CLEC2A: variants seen among roughly 807,000 people sequenced by gnomAD.
CLEC2A encodes the protein keratinocyte-associated C-type lectin.
Under a neutral mutation model 18.6 loss-of-function variants are expected in CLEC2A, and 19 were observed. The ratio of observed to expected loss-of-function variants is 1.02; its 90% CI spans 0.71 to 1.50. CLEC2A has a LOEUF of 1.50. CLEC2A is among the 40% of genes most tolerant of loss of function. The pLI is 0.00. For synonymous variants in CLEC2A, 74 were observed against 64.0 expected (o/e 1.16, Z -0.75); for missense variants, 190 against 207.9 (o/e 0.91, Z 0.53).
At chr12:9,910,777 C>T (rs960169878), downstream of CLEC2A, among the ~76,000 whole-genome samples, 1 of 152,132 alleles carries the variant, frequency 6.6e-6, no homozygotes, top group South Asian at 2.1e-4. Flanking sequence ...TGGGTTTATT[C>T]GTCATGCTGG....
chr12:9,903,266 T>C (rs907260032), intron 4 of CLEC2A, among the ~76,000 whole-genome samples: 2 of 152,002 alleles, frequency 1.3e-5, no homozygotes, highest in Non-Finnish European at 2.9e-5. Context: ...AATAAGAATA[T>C]GGAGAAGGAG....
rs140447852 is a variant in CLEC2A at position 9,906,412 on chromosome 12, T to C, written c.411-7436A>G. Reference sequence around the variant, plus strand: ...TTTCAAAGGAAAAGCCTTTTTGCTGTCCTGGAACATGGACAATAGCTATCT... The same window carrying C: ...TTTCAAAGGAAAAGCCTTTTTGCTGCCCTGGAACATGGACAATAGCTATCT... On this transcript the variant is annotated intron_variant, in intron 4 of 4. Coordinates refer to the CLEC2A transcript ENST00000339766. Among the ~76,000 whole-genome samples the C allele has an allele frequency of 6.6e-3, 1,002 of 152,326 alleles. 18 individuals carry two copies. The highest frequency in any genetic ancestry group is 0.023 in the African/African-American group (960 of 41,584).
At chr12:9,884,846 G>T in the CLEC2A span, 2 of 434,936 alleles carry the variant, frequency 4.6e-6, no homozygotes, top group South Asian at 9.7e-5. Context: ...TATCTAAAAT[G>T]AACATGAGTT....
At chr12:9,881,542 T>C in the CLEC2A span, 1 of 1,292,356 alleles carries the variant, frequency 7.7e-7, no homozygotes, top group Non-Finnish European at 1.1e-6. Context: ...TGAGATTAGT[T>C]TCCATTTTCT....
intron 3 of CLEC2A, among the ~76,000 whole-genome samples, chr12:9,920,749 T>C (rs1863158775): frequency 6.6e-6 from 1 of 152,208 alleles, no homozygotes; most frequent in Admixed American, 6.5e-5. Context: ...TCTATTTTCT[T>C]ACTCTGTGTC....
At chr12:9,902,389 C>A (rs565120039) in intron 4 of CLEC2A, among the ~76,000 whole-genome samples, 1 of 151,870 alleles carries the variant, frequency 6.6e-6, no homozygotes, top group Non-Finnish European at 1.5e-5. Context: ...TGCACCATTG[C>A]GCCTGGTTAA....
intron 4 of CLEC2A, among the ~76,000 whole-genome samples, chr12:9,901,633 A>G (rs933320046): frequency 1.3e-5 from 2 of 150,478 alleles, no homozygotes; most frequent in Non-Finnish European, 2.9e-5. Flanking sequence ...GGGCCCTCTG[A>G]AGTATTAGAA....
At chr12:9,902,581 G>A (rs1013731130) in intron 4 of CLEC2A, among the ~76,000 whole-genome samples, 8 of 151,072 alleles carry the variant, frequency 5.3e-5, no homozygotes, top group East Asian at 1.9e-4. Flanking sequence ...CGGGCAACCC[G>A]CTCGGGTCCC....
the CLEC2A span, among the ~76,000 whole-genome samples, chr12:9,891,512 A>C: frequency 6.6e-6 from 1 of 152,186 alleles, no homozygotes; most frequent in African/African-American, 2.4e-5. Context: ...TAATAAAATT[A>C]TTTCATCCAA....
intron 2 of CLEC2A, 41 bp downstream of exon 2, chr12:9,926,219 G>T: frequency 8.5e-7 from 1 of 1,182,336 alleles, no homozygotes; most frequent in South Asian, 1.3e-5. Flanking sequence ...GACCCTTCAG[G>T]AGTGAAGAAC....
intron 4 of CLEC2A, among the ~76,000 whole-genome samples, chr12:9,906,020 G>GTTTTTTTTTT (rs367651590): frequency 1.2e-5 from 1 of 83,072 alleles, no homozygotes; most frequent in Non-Finnish European, 2.5e-5. Context: ...CCACTTATTA[G>GTTTTTTTTTT]TTTTGTTTTT....
chr12:9,897,165 A>G (rs896516451), downstream of CLEC2A, among the ~76,000 whole-genome samples: 3 of 152,058 alleles, frequency 2.0e-5, no homozygotes, highest in Non-Finnish European at 4.4e-5. Context: ...TAGCCTCTCA[A>G]TTATTTTAAA....
At chr12:9,925,080 T>C (rs372108740) in intron 2 of CLEC2A, among the ~76,000 whole-genome samples, 53 of 152,342 alleles carry the variant, frequency 3.5e-4, no homozygotes, top group African/African-American at 1.2e-3. Context: ...TTTTCATAAT[T>C]TATTACCCTT....
intron 4 of CLEC2A, among the ~76,000 whole-genome samples, chr12:9,916,227 A>G (rs867967407): frequency 1.3e-5 from 2 of 152,046 alleles, no homozygotes; most frequent in South Asian, 4.1e-4. Context: ...AAATAAATAA[A>G]ATAAGCAACA....
the CLEC2A span, among the ~76,000 whole-genome samples, chr12:9,889,064 A>G: frequency 6.6e-6 from 1 of 152,236 alleles, no homozygotes; most frequent in Non-Finnish European, 1.5e-5. Flanking sequence ...CCAAATATTT[A>G]TCGAGCATCC....
downstream of CLEC2A, chr12:9,895,971 TGA>T: frequency 1.3e-6 from 1 of 783,442 alleles, no homozygotes; most frequent in Non-Finnish European, 1.8e-6. Flanking sequence ...TATTTTATCC[TGA>T]ATTGACTATA....
the CLEC2A span, among the ~76,000 whole-genome samples, chr12:9,882,026 G>A: frequency 2.0e-5 from 3 of 151,684 alleles, no homozygotes; most frequent in East Asian, 1.9e-4. Flanking sequence ...ATATATTTAT[G>A]CTTATACATA....
At chr12:9,914,165 T>G (rs1248959491) in intron 4 of CLEC2A, among the ~76,000 whole-genome samples, 1 of 152,212 alleles carries the variant, frequency 6.6e-6, no homozygotes, top group Non-Finnish European at 1.5e-5. Context: ...TGAAACATAC[T>G]GCAATAGAAA....
chr12:9,917,505 C>A (rs1863092347), intron 3 of CLEC2A, among the ~76,000 whole-genome samples: 1 of 152,186 alleles, frequency 6.6e-6, no homozygotes, highest in African/African-American at 2.4e-5. Flanking sequence ...AAAAGTGAGT[C>A]TTACCCAATC....
Sources: gnomAD v4.1 joint callset for allele counts (sites outside exome capture counted in the v4.1 genomes callset) on GRCh38, gnomAD v4.1.1 for gene constraint, MANE v1.5 for transcripts, NCBI Gene and HGNC (gene_info 2026-07-23, HGNC 2026-07-21) for gene names.